Variants in NSUN7 observed in about 807,000 individuals in gnomAD.
NSUN7 encodes the protein protein NSUN7.
NSUN7 carries 39 observed loss-of-function variants against 58.5 expected under a neutral mutation model. The ratio of observed to expected loss-of-function variants is 0.67; its 90% confidence interval spans 0.52 to 0.87. NSUN7 has a LOEUF of 0.87. NSUN7 is among the 40% of genes least tolerant of loss of function. The pLI is 0.00. For missense variants in NSUN7, 765 were observed against 844.1 expected (o/e 0.91, Z 1.16); for synonymous variants, 278 against 303.7 (o/e 0.92, Z 0.88).
intron 2 of NSUN7, among the ~76,000 whole-genome samples, chr4:40,752,341 T>A (rs1302715741): frequency 2.6e-5 from 4 of 152,184 alleles, no homozygotes; most frequent in Admixed American, 2.0e-4. Context: ...CTTTTGGAGG[T>A]GGAGGTGGGA....
At chr4:40,768,805 C>T (rs1741860019) in intron 4 of NSUN7, among the ~76,000 whole-genome samples, 1 of 152,050 alleles carries the variant, frequency 6.6e-6, no homozygotes, top group Non-Finnish European at 1.5e-5. Context: ...AAAGAGAGAC[C>T]ACAACCCCTT....
chr4:40,798,070 C>G (rs1225126382), intron 9 of NSUN7, among the ~76,000 whole-genome samples: 1 of 152,212 alleles, frequency 6.6e-6, no homozygotes, highest in Admixed American at 6.5e-5. Context: ...TCTCACTGCT[C>G]TATTTCACAC....
rs1286875181 is a variant in NSUN7, at chr4:40,750,627, A to G, written c.-67A>G. ...GAGACCATGCTGCAGATGCGAGGAA[A>G]GCCGTTTCCTGGAACATCGGAATTC... On this transcript the variant is annotated 5_prime_UTR_variant, in exon 2 of 12. Coordinates refer to ENST00000381782, the MANE Select transcript of NSUN7 (RefSeq NM_024677.6). The G allele has an allele frequency of 1.7e-5, 26 of 1,558,588 alleles. No homozygotes were observed. The highest frequency in any genetic ancestry group is 2.0e-5 in the Non-Finnish European group (23 of 1,145,516).
chr4:40,772,044 A>T (rs1377187504), intron 4 of NSUN7, among the ~76,000 whole-genome samples: 1 of 152,016 alleles, frequency 6.6e-6, no homozygotes, highest in East Asian at 1.9e-4. Flanking sequence ...CTTTGCCCTA[A>T]GTCTAATATA....
intron 2 of NSUN7, among the ~76,000 whole-genome samples, chr4:40,757,344 T>C (rs995709505): frequency 6.6e-6 from 1 of 152,016 alleles, no homozygotes; most frequent in Non-Finnish European, 1.5e-5. Context: ...ATGTAAGTGT[T>C]CCGAATGTGT....
At chr4:40,802,474 C>G (rs1300548127) in intron 10 of NSUN7, among the ~76,000 whole-genome samples, 1 of 152,106 alleles carries the variant, frequency 6.6e-6, no homozygotes, top group Non-Finnish European at 1.5e-5. Flanking sequence ...CTGGAGGTCC[C>G]TTGATGAGCT....
intron 10 of NSUN7, among the ~76,000 whole-genome samples, chr4:40,800,175 T>A (rs34835507): frequency 2.0e-5 from 3 of 152,034 alleles, no homozygotes; most frequent in African/African-American, 7.3e-5. Flanking sequence ...CTTTACTCAC[T>A]TGTGGGGTGA....
chr4:40,809,145 C>A lies in NSUN7; in HGVS notation c.*206C>A. On this transcript the variant is annotated 3_prime_UTR_variant, in exon 12 of 12. Coordinates refer to ENST00000381782, the MANE Select transcript of NSUN7 (RefSeq NM_024677.6). ...GCAAAGCAGAATTCAGAGACTTCAGCCAATCACTGCTGCTCTGAGAGGATC... is the reference window on the plus strand; with the variant it reads ...GCAAAGCAGAATTCAGAGACTTCAGACAATCACTGCTGCTCTGAGAGGATC... 3.7e-6 allele frequency: 2 copies of A among 542,568 alleles called. No homozygotes were observed. Among genetic ancestry groups the A allele is most frequent in the Non-Finnish European group, 6.4e-6 (2 of 313,560 alleles). 33.6% of individuals were successfully genotyped at this position (542,568 alleles called of 1,614,324 possible).
At chr4:40,797,107 C>T (rs2154288978) in intron 9 of NSUN7, among the ~76,000 whole-genome samples, 2 of 152,274 alleles carry the variant, frequency 1.3e-5, no homozygotes, top group Middle Eastern at 6.8e-3. Flanking sequence ...CACACACTTC[C>T]ATCACTTGTC....
intron 8 of NSUN7, among the ~76,000 whole-genome samples, chr4:40,791,075 G>A (rs1408356046): frequency 6.6e-6 from 1 of 152,098 alleles, no homozygotes; most frequent in African/African-American, 2.4e-5. Flanking sequence ...TGAAAATACT[G>A]AGACTCAAAG....
intron 7 of NSUN7, among the ~76,000 whole-genome samples, chr4:40,779,007 G>GTCC (rs1742399945): frequency 6.6e-6 from 1 of 152,082 alleles, no homozygotes; most frequent in Non-Finnish European, 1.5e-5. Flanking sequence ...ACAGTAAAGG[G>GTCC]AATACTAAAG....
chr4:40,758,588 G>A (rs1396079917), intron 2 of NSUN7, among the ~76,000 whole-genome samples: 1 of 152,108 alleles, frequency 6.6e-6, no homozygotes, highest in African/African-American at 2.4e-5. Flanking sequence ...CACTTGGGAA[G>A]CCAAAGTGGG....
At chr4:40,784,968 C>T (rs549524913) in intron 7 of NSUN7, among the ~76,000 whole-genome samples, 1 of 152,238 alleles carries the variant, frequency 6.6e-6, no homozygotes, top group South Asian at 2.1e-4. Context: ...ACATAAACAG[C>T]AAAAATTACT....
In NSUN7 at chr4:40,771,385, C is replaced by A. The variant is rs1577556543; in HGVS notation, c.489-2880C>A. ...AACTGGCTTGACTCTCTCTTTCTAC[C>A]TCCAAAAAATCTCTGTCTTTCTCTC... On this transcript the variant is annotated intron_variant, in intron 4 of 11. Transcript: ENST00000381782. Among the ~76,000 whole-genome samples the A allele has an allele frequency of 4.6e-5, 7 of 152,260 alleles. 1 individual carries two copies. The Middle Eastern group carries it at 0.02, about 444-fold the overall frequency.
intron 3 of NSUN7, 24 bp downstream of exon 3, chr4:40,760,516 A>G (rs1741397072): frequency 6.6e-7 from 1 of 1,519,294 alleles, no homozygotes; most frequent in South Asian, 1.2e-5. Flanking sequence ...TTTTAGAATT[A>G]CATCGTTTCA....
intron 11 of NSUN7, 142 bp from the exon 12 acceptor site, chr4:40,808,165 G>A: frequency 1.1e-6 from 1 of 911,266 alleles, no homozygotes; most frequent in Non-Finnish European, 1.6e-6. Context: ...TGAGATTGGG[G>A]ACTAAGGCCT....
At chr4:40,799,725 C>T (rs1048843906) in intron 10 of NSUN7, among the ~76,000 whole-genome samples, 1 of 152,026 alleles carries the variant, frequency 6.6e-6, no homozygotes, top group Non-Finnish European at 1.5e-5. Context: ...TATGCATTAC[C>T]TAGGGAATTA....
rs1014919403 is a variant in NSUN7, at chr4:40,772,343, G to A, written c.489-1922G>A. ...GTCTATACTCAGAATATCTCACAAT[G>A]TATAATATAGAACAGTAACTCACCC... On this transcript the variant is annotated intron_variant, in intron 4 of 11. Coordinates refer to ENST00000381782, the MANE Select transcript of NSUN7 (RefSeq NM_024677.6). Among the ~76,000 whole-genome samples, 8 of 152,114 alleles carry A rather than the reference G, an allele frequency of 5.3e-5. No individual in the cohort carries two copies. In the South Asian group the frequency reaches 1.7e-3, roughly 32 times the overall value.
chr4:40,757,391 G>A (rs981691067), intron 2 of NSUN7, among the ~76,000 whole-genome samples: 2 of 151,682 alleles, frequency 1.3e-5, no homozygotes, highest in African/African-American at 4.8e-5. Flanking sequence ...TGTTTAGTAG[G>A]ATAGATATAT....
Sources: allele counts gnomAD v4.1 joint callset (sites outside exome capture counted in the v4.1 genomes callset), GRCh38; gene constraint gnomAD v4.1.1; transcripts MANE v1.5; gene names NCBI Gene and HGNC (gene_info 2026-07-23, HGNC 2026-07-21).